Variants in RBM25 observed in about 807,000 individuals in gnomAD.
RBM25 encodes the protein RNA-binding protein 25.
Under a neutral mutation model 120.7 loss-of-function variants are expected in RBM25, and 19 were observed. That is an observed-to-expected ratio of 0.16 (90% CI 0.11 to 0.23). The LOEUF (loss-of-function observed/expected upper bound fraction) is 0.23. Among genes scored for constraint, RBM25 ranks in the 10% least tolerant of loss-of-function variants. The pLI is 1.00. For synonymous variants in RBM25, 390 were observed against 326.7 expected, an observed-to-expected ratio of 1.19 and a Z score of -2.09; for missense variants, 605 against 1,041.5, an observed-to-expected ratio of 0.58 and a Z score of 5.77.
intron 17 of RBM25, among the ~76,000 whole-genome samples, chr14:73,113,648 G>A (rs1186670970): frequency 1.3e-5 from 2 of 151,744 alleles, no homozygotes; most frequent in Non-Finnish European, 1.5e-5. Context: ...CTGTGATTGC[G>A]CCATTGCACT....
At chr14:73,116,275 A>C (rs977880125) in intron 18 of RBM25, among the ~76,000 whole-genome samples, 7 of 152,206 alleles carry the variant, frequency 4.6e-5, no homozygotes, top group Admixed American at 1.3e-4. Flanking sequence ...GCGGGAAGAC[A>C]GCAATGGGAA....
intron 7 of RBM25, among the ~76,000 whole-genome samples, chr14:73,098,361 C>A (rs1442869789): frequency 6.6e-6 from 1 of 152,090 alleles, no homozygotes; most frequent in Non-Finnish European, 1.5e-5. Context: ...AACTCCTGAG[C>A]TCAAATGATC....
At chr14:73,097,184 C>CTTTTTTT in intron 7 of RBM25, 84 bp downstream of exon 7, 1 of 187,664 alleles carries the variant, frequency 5.3e-6, no homozygotes, top group Non-Finnish European at 7.4e-6. Flanking sequence ...TGTCAGTTTT[C>CTTTTTTT]TTTTTTCTTT....
At chr14:73,059,689 A>T (rs1894954406) in intron 1 of RBM25, among the ~76,000 whole-genome samples, 1 of 152,188 alleles carries the variant, frequency 6.6e-6, no homozygotes, top group African/African-American at 2.4e-5. Context: ...TAATTTTTTT[A>T]AAGGCTATTT....
chr14:73,114,098 A>G (rs1467183546), intron 17 of RBM25, among the ~76,000 whole-genome samples, 188 bp from the exon 18 acceptor site: 1 of 151,242 alleles, frequency 6.6e-6, no homozygotes, highest in Non-Finnish European at 1.5e-5. Flanking sequence ...CACTATGGAG[A>G]TTAATATTCC....
chr14:73,068,120 A>G, intron 1 of RBM25: 1 of 747,946 alleles, frequency 1.3e-6, no homozygotes, highest in Non-Finnish European at 2.2e-6. Context: ...GTTCACAGAC[A>G]GAACTGGAAG....
At chr14:73,066,922 T>A (rs901515137) in intron 1 of RBM25, among the ~76,000 whole-genome samples, 24 of 152,154 alleles carry the variant, frequency 1.6e-4, no homozygotes, top group Non-Finnish European at 8.8e-5. Context: ...ATTTTACTTA[T>A]GAAATTGTGA....
chr14:73,119,687 G>A (rs773919965), intron 18 of RBM25, 26 bp from the exon 19 acceptor site: 2 of 1,609,226 alleles, frequency 1.2e-6, no homozygotes, highest in Non-Finnish European at 1.7e-6. Flanking sequence ...TCTCTTACAT[G>A]TGTTGCTGTT....
intron 4 of RBM25, among the ~76,000 whole-genome samples, chr14:73,079,499 G>A (rs1895508645): frequency 6.6e-6 from 1 of 150,578 alleles, no homozygotes; most frequent in Admixed American, 6.6e-5. Flanking sequence ...TTCTTCGTCT[G>A]TATCCCAGAA....
rs1185575055 is a variant in RBM25 at position 73,099,445 on chromosome 14, T to C, written c.783+12T>C. 1 of 1,608,358 alleles carries C rather than the reference T, an allele frequency of 6.2e-7. No individual in the cohort carries two copies. Among genetic ancestry groups the C allele is most frequent in the Non-Finnish European group, 8.5e-7 (1 of 1,177,564 alleles). On this transcript the variant is annotated intron_variant, in intron 8 of 18. Transcript: ENST00000261973. Reference sequence around the variant, plus strand: ...CACTCATCACTAAGGTTAGTTTAAATTGTAGGCTTTGACAATACCTGTGTT... The same window carrying C: ...CACTCATCACTAAGGTTAGTTTAAACTGTAGGCTTTGACAATACCTGTGTT...
rs773294893 is a variant in RBM25, at chr14:73,111,524, G to T, written c.2018-4G>T. 5 of 1,585,560 alleles carry T rather than the reference G, an allele frequency of 3.2e-6. No individual in the cohort carries two copies. Among genetic ancestry groups the T allele is most frequent in the Admixed American group, 3.8e-5 (2 of 52,834 alleles). On this transcript the variant is annotated splice_region_variant and splice_polypyrimidine_tract_variant and intron_variant, in intron 15 of 18. Transcript: ENST00000261973. ...ATCTTGCTAAGAGAGTGTTTTTACT[G>T]TAGGTGCTTCCAATAGTCCTGGTCA... is the stretch of plus-strand genomic sequence containing the variant.
Position 73,069,746 on chromosome 14 carries a change from T to TAAAAAAAAAAAAAAAAAAAAAAA in RBM25, c.-15-1870_-15-1848dup, listed in dbSNP as rs57669015. The stretch of plus-strand genomic sequence containing the variant: ...ACCGTGCCTGGCCGACCCTGTTTCT[T>TAAAAAAAAAAAAAAAAAAAAAAA]AAAAAAAAAAAAAAAAAAAAAAAAA... On this transcript the variant is annotated intron_variant, in intron 1 of 18. Transcript: ENST00000261973. 3 of 44,160 alleles carry TAAAAAAAAAAAAAAAAAAAAAAA rather than the reference T, an allele frequency of 6.8e-5. 1 individual carries two copies. The highest frequency in any genetic ancestry group is 1.2e-4 in the Non-Finnish European group (3 of 25,680). 2.7% of individuals were successfully genotyped at this position (44,160 alleles called of 1,614,324 possible).
chr14:73,071,188 G>A (rs1895280488), intron 1 of RBM25, among the ~76,000 whole-genome samples: 1 of 146,812 alleles, frequency 6.8e-6, no homozygotes, highest in African/African-American at 2.5e-5. Flanking sequence ...GTTGCAATGA[G>A]CAGAGATTGC....
intron 10 of RBM25, among the ~76,000 whole-genome samples, chr14:73,103,938 T>A (rs866727501): frequency 1.3e-4 from 7 of 53,894 alleles, no homozygotes; most frequent in East Asian, 7.7e-4. Flanking sequence ...TCTCTCTCTC[T>A]CTCTCTCTCT....
intron 3 of RBM25, among the ~76,000 whole-genome samples, chr14:73,077,062 CAG>C (rs939887252): frequency 1.2e-4 from 18 of 152,214 alleles, no homozygotes; most frequent in Non-Finnish European, 2.4e-4. Context: ...GCCTGGGCGA[CAG>C]AGCGAAATTC....
chr14:73,068,387 A>ATTTTTTTTTTTTTTTTTTTTT lies in RBM25; in HGVS notation c.-15-3222_-15-3221insTTTTTTTTTTTTTTTTTTTTT, dbSNP rs34314453. ...AATGGAGAGACAATGCTTGTATTTGATTTTTTTTTTTTTTTTTTGGTTCAT... is the reference window on the plus strand; with the variant it reads ...AATGGAGAGACAATGCTTGTATTTGATTTTTTTTTTTTTTTTTTTTTTTTTTTTTTTTTTTTTTTGGTTCAT... On this transcript the variant is annotated intron_variant, in intron 1 of 18. Transcript: ENST00000261973. 1.5e-5 allele frequency: 7 copies of ATTTTTTTTTTTTTTTTTTTTT among 476,996 alleles called. 1 individual carries two copies. Among genetic ancestry groups the ATTTTTTTTTTTTTTTTTTTTT allele is most frequent in the Non-Finnish European group, 2.3e-5 (6 of 266,302 alleles). The allele number at this position is 476,996 out of a possible 1,614,324, so 29.5% of individuals were successfully genotyped here. A position where few individuals can be genotyped will look rare whatever the true frequency, so the allele number is the denominator to read the frequency against.
In RBM25 at chr14:73,105,126, C is replaced by CTTTTTTTTTTTT. The variant is rs34862161; in HGVS notation, c.1155-726_1155-715dup. Among the ~76,000 whole-genome samples the CTTTTTTTTTTTT allele has an allele frequency of 2.8e-3, 306 of 109,500 alleles. 19 individuals are homozygous for CTTTTTTTTTTTT. The highest frequency in any genetic ancestry group is 0.011 in the African/African-American group (293 of 26,650). 71.8% of individuals were successfully genotyped at this position (109,500 alleles called of 152,430 possible). A position where few individuals can be genotyped will look rare whatever the true frequency, so the allele number is the denominator to read the frequency against. On this transcript the variant is annotated intron_variant, in intron 10 of 18. Coordinates refer to ENST00000261973, the MANE Select transcript of RBM25 (RefSeq NM_021239.3). ...TGTAATCTGCAGTTTGGTTTTATTA[C>CTTTTTTTTTTTT]TTTTTTTTTTTTTTTTTTGGAGACG... is the stretch of plus-strand genomic sequence containing the variant.
intron 6 of RBM25, 22 bp downstream of exon 6, chr14:73,088,183 CT>C (rs1307855615): frequency 3.7e-6 from 6 of 1,612,862 alleles, no homozygotes; most frequent in Non-Finnish European, 5.1e-6. Context: ...GTCGTGTTAT[CT>C]TTTCTAGGCC....
At position 73,110,897 on chromosome 14, in the gene RBM25, G is replaced by C. The variant is rs1896297281; in HGVS notation, c.1759G>C (p.Glu587Gln). ...IKQEPESEEE[E>Q]EEKQEKEEKR... ...GCAAGAGCCAGAATCAGAAGAGGAG[G>C]AAGAAGAAAAGCAAGAAAAAGAAGA... is the stretch of plus-strand genomic sequence containing the variant. Residue 587 changes from glutamate (E) to glutamine (Q), a missense_variant, in exon 15 of 19, where the codon GAA becomes CAA. Physicochemically the swap from Glu to Gln is conservative, Grantham distance 29. This residue lies in a region of RBM25 where 465 missense variants were observed against 741.6 expected (regional missense o/e 0.63). Transcript: ENST00000261973. 9 of 1,612,984 alleles carry C rather than the reference G, an allele frequency of 5.6e-6. No individual in the cohort carries two copies. The highest frequency in any genetic ancestry group is 7.6e-6 in the Non-Finnish European group (9 of 1,179,574).
Sources: gnomAD v4.1 joint callset for allele counts (sites outside exome capture counted in the v4.1 genomes callset) on GRCh38, gnomAD v4.1.1 for gene constraint, gnomAD v4.1.1 regional missense constraint, MANE v1.5 for transcripts, NCBI Gene and HGNC (gene_info 2026-07-23, HGNC 2026-07-21) for gene names.